Variants in RSPO2 observed in about 807,000 individuals in gnomAD.
The protein encoded by RSPO2 is R-spondin 2.
A neutral mutation model predicts 30.9 loss-of-function variants in RSPO2; 14 were observed. That is an observed-to-expected ratio of 0.45 (90% CI 0.30 to 0.71). The LOEUF is 0.71. RSPO2 is among the 30% of genes least tolerant of loss of function. RSPO2 has a pLI of 0.08. For missense variants in RSPO2, 264 were observed against 301.9 expected (o/e 0.87, Z 0.93); for synonymous variants, 107 against 96.4 (o/e 1.11, Z -0.64).
chr8:107,972,267 T>A (rs1235659001), intron 3 of RSPO2, among the ~76,000 whole-genome samples: 1 of 151,832 alleles, frequency 6.6e-6, no homozygotes, highest in Non-Finnish European at 1.5e-5. Context: ...TGCCTCAGCC[T>A]CCCAAGTAGC....
intron 3 of RSPO2, among the ~76,000 whole-genome samples, chr8:107,975,219 T>A (rs1814166685): frequency 6.6e-6 from 1 of 152,248 alleles, no homozygotes; most frequent in Non-Finnish European, 1.5e-5. Context: ...TTTACATGAC[T>A]TTAAATGCTA....
At chr8:108,027,986 AACTTTG>A (rs1811278257) in intron 2 of RSPO2, among the ~76,000 whole-genome samples, 1 of 152,122 alleles carries the variant, frequency 6.6e-6, no homozygotes, top group Non-Finnish European at 1.5e-5. Context: ...AGGGTGTGGT[AACTTTG>A]ACCAGCCCTA....
At chr8:107,991,485 G>A (rs892902481) in intron 2 of RSPO2, among the ~76,000 whole-genome samples, 3 of 152,068 alleles carry the variant, frequency 2.0e-5, no homozygotes, top group Admixed American at 2.0e-4. Context: ...TTAGGACATA[G>A]GCACAGGCAA....
intron 2 of RSPO2, among the ~76,000 whole-genome samples, chr8:108,072,781 A>G (rs1240469086): frequency 6.6e-6 from 1 of 152,092 alleles, no homozygotes; most frequent in Non-Finnish European, 1.5e-5. Context: ...ATATTAGACA[A>G]TTTTTACAAT....
chr8:108,024,337 C>T (rs1811138878), intron 2 of RSPO2, among the ~76,000 whole-genome samples: 1 of 151,958 alleles, frequency 6.6e-6, no homozygotes, highest in Non-Finnish European at 1.5e-5. Context: ...AGTTGTGGTA[C>T]TTCCATGCAG....
At chr8:107,996,187 C>T (rs1278299056) in intron 2 of RSPO2, among the ~76,000 whole-genome samples, 1 of 152,050 alleles carries the variant, frequency 6.6e-6, no homozygotes, top group Non-Finnish European at 1.5e-5. Context: ...GAGGAAATGG[C>T]TATGGTGGAG....
chr8:107,956,010 G>T (rs1259423625), intron 5 of RSPO2, among the ~76,000 whole-genome samples: 1 of 152,112 alleles, frequency 6.6e-6, no homozygotes, highest in Non-Finnish European at 1.5e-5. Flanking sequence ...TCCACTAGTC[G>T]CCATGACCTA....
chr8:107,924,396 G>C (rs1812287074), intron 5 of RSPO2, among the ~76,000 whole-genome samples: 1 of 152,086 alleles, frequency 6.6e-6, no homozygotes, highest in African/African-American at 2.4e-5. Context: ...TTTGAAAAGA[G>C]AGAGGAGGGG....
rs187888349 is a variant in RSPO2, at chr8:107,927,679, G to A, written c.617-26489C>T. Among the ~76,000 whole-genome samples, 272 of 152,188 alleles carry A rather than the reference G, an allele frequency of 1.8e-3. 2 individuals are homozygous for A. Among genetic ancestry groups the A allele is most frequent in the African/African-American group, 5.7e-3 (237 of 41,526 alleles). ...TCATGTGGTTTTTGTCTTTGGTTCC[G>A]TTTATATGCTGGATTACATTTATTG... On this transcript the variant is annotated intron_variant, in intron 5 of 5. Transcript: ENST00000276659.
intron 3 of RSPO2, among the ~76,000 whole-genome samples, chr8:107,985,771 A>G (rs910533593): frequency 6.6e-6 from 1 of 152,226 alleles, no homozygotes; most frequent in Non-Finnish European, 1.5e-5. Flanking sequence ...CTAACATAGT[A>G]TCAGGGACAA....
chr8:108,071,438 G>A (rs915670532), intron 2 of RSPO2, among the ~76,000 whole-genome samples: 3 of 152,166 alleles, frequency 2.0e-5, no homozygotes, highest in Middle Eastern at 3.2e-3. Context: ...AACGACTGCT[G>A]TACATTTATC....
At chr8:107,975,121 A>C (rs1396100383) in intron 3 of RSPO2, among the ~76,000 whole-genome samples, 1 of 152,208 alleles carries the variant, frequency 6.6e-6, no homozygotes, top group African/African-American at 2.4e-5. Flanking sequence ...TCCCATGATA[A>C]ATAGTGGCCT....
intron 2 of RSPO2, among the ~76,000 whole-genome samples, chr8:108,037,958 A>G (rs1179663102): frequency 5.3e-5 from 8 of 152,216 alleles, no homozygotes; most frequent in Non-Finnish European, 7.3e-5. Context: ...CTGCTAACAC[A>G]AGATCCATTA....
chr8:108,082,957 G>A (rs1043830584), intron 1 of RSPO2, 150 bp from the exon 2 acceptor site: 5 of 317,298 alleles, frequency 1.6e-5, no homozygotes, highest in Admixed American at 9.6e-5. Context: ...GCTTAATCCA[G>A]AGCGGGCAGC....
intron 2 of RSPO2, among the ~76,000 whole-genome samples, chr8:108,037,016 T>C (rs1811619784): frequency 6.6e-6 from 1 of 152,176 alleles, no homozygotes; most frequent in African/African-American, 2.4e-5. Context: ...CTATGCCCTG[T>C]GGTACAACAA....
intron 5 of RSPO2, among the ~76,000 whole-genome samples, chr8:107,913,524 C>T (rs1386771124): frequency 6.6e-6 from 1 of 152,020 alleles, no homozygotes; most frequent in Non-Finnish European, 1.5e-5. Context: ...TGTCAACTAC[C>T]CAAGTAGAGG....
chr8:107,958,856 G>C (rs1224909923), intron 4 of RSPO2, among the ~76,000 whole-genome samples: 2 of 152,098 alleles, frequency 1.3e-5, no homozygotes, highest in Admixed American at 1.3e-4. Context: ...TTCCATCCAT[G>C]TCCCTGCAGG....
chr8:108,034,467 A>G (rs1162800511), intron 2 of RSPO2, among the ~76,000 whole-genome samples: 1 of 152,218 alleles, frequency 6.6e-6, no homozygotes, highest in African/African-American at 2.4e-5. Context: ...ATGTTAGGAT[A>G]AAGTACATGA....
chr8:108,080,188 C>T (rs565652952), intron 2 of RSPO2, among the ~76,000 whole-genome samples: 3 of 152,198 alleles, frequency 2.0e-5, no homozygotes, highest in Non-Finnish European at 4.4e-5. Context: ...TACTATCACC[C>T]TACACTGTCT....
Sources: gnomAD v4.1 joint callset for allele counts (sites outside exome capture counted in the v4.1 genomes callset) on GRCh38, gnomAD v4.1.1 for gene constraint, MANE v1.5 for transcripts, NCBI Gene and HGNC (gene_info 2026-07-23, HGNC 2026-07-21) for gene names.